Variants in KIAA1217 observed in about 807,000 individuals in gnomAD.
KIAA1217 encodes sickle tail protein homolog.
A neutral mutation model predicts 163.9 loss-of-function variants in KIAA1217; 88 were observed. The observed-to-expected ratio is 0.54, with a 90% confidence interval of 0.45 to 0.64. KIAA1217 has a LOEUF of 0.64. KIAA1217 is among the 30% of genes least tolerant of loss of function. The pLI is 0.00. For missense variants in KIAA1217, 2,372 were observed against 2,475.0 expected (o/e 0.96, Z 0.88); for synonymous variants, 903 against 923.1 (o/e 0.98, Z 0.39).
intron 2 of KIAA1217, among the ~76,000 whole-genome samples, chr10:24,153,958 ATTT>A (rs753825154): frequency 2.2e-5 from 3 of 135,324 alleles, no homozygotes; most frequent in Admixed American, 7.4e-5. Context: ...TACAAAAAAT[ATTT>A]TTTTTTTTTT....
intron 2 of KIAA1217, among the ~76,000 whole-genome samples, chr10:24,378,718 G>A (rs545224790): frequency 6.6e-6 from 1 of 152,038 alleles, no homozygotes; most frequent in African/African-American, 2.4e-5. Context: ...TGAACTAAAT[G>A]ATGTCTCAGC....
intron 3 of KIAA1217, among the ~76,000 whole-genome samples, chr10:24,417,665 C>A (rs561533169): frequency 6.6e-6 from 1 of 151,886 alleles, no homozygotes; most frequent in Admixed American, 6.6e-5. Flanking sequence ...GTGAAGTCTA[C>A]GAATGAGAGT....
chr10:24,466,099 A>G (rs2062919980), intron 5 of KIAA1217, among the ~76,000 whole-genome samples: 1 of 152,180 alleles, frequency 6.6e-6, no homozygotes, highest in African/African-American at 2.4e-5. Flanking sequence ...AACCAGGAGA[A>G]GAGGCTTACG....
chr10:24,472,868 G>C (rs1179343770), intron 5 of KIAA1217, among the ~76,000 whole-genome samples: 1 of 152,058 alleles, frequency 6.6e-6, no homozygotes. Context: ...ACCTTTTCCA[G>C]CTTCTAGCAG....
chr10:24,054,377 G>A (rs565611504), intron 2 of KIAA1217, among the ~76,000 whole-genome samples: 23 of 152,266 alleles, frequency 1.5e-4, no homozygotes, highest in African/African-American at 5.1e-4. Flanking sequence ...GGGATTGGAT[G>A]AACACCTAGG....
At chr10:23,962,155 C>T (rs891564539) in intron 1 of KIAA1217, among the ~76,000 whole-genome samples, 1 of 152,214 alleles carries the variant, frequency 6.6e-6, no homozygotes, top group Admixed American at 6.5e-5. Context: ...AATGGAATTA[C>T]TAGGCATTAT....
chr10:24,275,624 T>C lies in KIAA1217; in HGVS notation c.354+55715T>C, dbSNP rs925658915. ...CTAGTAATGAGGACTGACTGTATAA[T>C]GCTTTAGTAGTCTCAAGTATGTTTT... On this transcript the variant is annotated intron_variant, in intron 2 of 20. Transcript: ENST00000376454. The C allele has an allele frequency of 1.7e-5, 8 of 467,772 alleles. No homozygotes were observed. In the East Asian group the frequency reaches 3.5e-4, roughly 20 times the overall value. The allele number at this position is 467,772 out of a possible 1,614,324, so 29.0% of individuals were successfully genotyped here.
At chr10:23,799,235 A>G (rs1836355581) in intron 1 of KIAA1217, among the ~76,000 whole-genome samples, 1 of 152,172 alleles carries the variant, frequency 6.6e-6, no homozygotes, top group African/African-American at 2.4e-5. Flanking sequence ...CTCTCTCCAA[A>G]GAAGGTCACA....
At position 24,136,133 on chromosome 10, in the gene KIAA1217, G is replaced by T. The variant is rs191045079; in HGVS notation, c.-170-83493G>T. Among the ~76,000 whole-genome samples, 182 of 152,274 alleles carry T rather than the reference G, an allele frequency of 1.2e-3. 1 individual carries two copies. The highest frequency in any genetic ancestry group is 9.6e-4 in the Non-Finnish European group (65 of 68,022). On this transcript the variant is annotated intron_variant, in intron 2 of 18. Transcript: ENST00000376462. The stretch of plus-strand genomic sequence containing the variant: ...TAAGGAGGAGATAAAAGGAAGCAAA[G>T]GAATTATTTTCAAAATAGCAATATG...
intron 1 of KIAA1217, among the ~76,000 whole-genome samples, chr10:23,996,934 G>T (rs1230694763): frequency 6.6e-6 from 1 of 152,062 alleles, no homozygotes; most frequent in Non-Finnish European, 1.5e-5. Flanking sequence ...ATTTACTCCT[G>T]AGCATCCCAG....
Position 23,818,014 on chromosome 10 carries a change from C to CAT in KIAA1217, c.-321+122788_-321+122789dup, listed in dbSNP as rs1166196227. Among the ~76,000 whole-genome samples, 917 of 107,386 alleles carry CAT rather than the reference C, an allele frequency of 8.5e-3. 38 individuals carry two copies. The highest frequency in any genetic ancestry group is 0.035 in the African/African-American group (874 of 24,732). 70.4% of individuals were successfully genotyped at this position (107,386 alleles called of 152,430 possible). A position where few individuals can be genotyped will look rare whatever the true frequency, so the allele number is the denominator to read the frequency against. On this transcript the variant is annotated intron_variant, in intron 1 of 18. Transcript: ENST00000376462. ...ATATATATATATATATATATACACA[C>CAT]ATATATATACACACATATATATACA...
chr10:24,529,311 T>A (rs1437503655), intron 14 of KIAA1217, among the ~76,000 whole-genome samples: 1 of 152,276 alleles, frequency 6.6e-6, no homozygotes, highest in Admixed American at 6.5e-5. Context: ...CCATATACTT[T>A]ACGGGCCAGA....
Position 24,495,199 on chromosome 10 carries a change from A to G in KIAA1217, c.1834+3A>G, listed in dbSNP as rs1430673236. 1 of 1,611,538 alleles carries G rather than the reference A, an allele frequency of 6.2e-7. No homozygotes were observed. The highest frequency in any genetic ancestry group is 1.3e-5 in the African/African-American group (1 of 74,782). On this transcript the variant is annotated splice_donor_region_variant and intron_variant, in intron 8 of 20. Transcript: ENST00000376454. The stretch of plus-strand genomic sequence containing the variant: ...CAGGAACCACACAGATAGTGCAGGT[A>G]AGTAAGTGTTTTTGGAGCTGTAGGA...
At chr10:24,294,324 A>G (rs2079465863) in intron 2 of KIAA1217, among the ~76,000 whole-genome samples, 1 of 150,984 alleles carries the variant, frequency 6.6e-6, no homozygotes, top group South Asian at 2.1e-4. Flanking sequence ...CTTTTCCCCT[A>G]CTAGCTTCTC....
chr10:24,445,160 G>A lies in KIAA1217; in HGVS notation c.846+6681G>A, dbSNP rs369317796. On this transcript the variant is annotated intron_variant, in intron 5 of 20. Transcript: ENST00000376454. ...CTGGCAAAGTGGGTATACTGACTTCGTTTTCACAGGTGATAAAACTGAAGC... is the reference window on the plus strand; with the variant it reads ...CTGGCAAAGTGGGTATACTGACTTCATTTTCACAGGTGATAAAACTGAAGC... Among the ~76,000 whole-genome samples, 18 of 152,128 alleles carry A rather than the reference G, an allele frequency of 1.2e-4. No homozygotes were observed. In the South Asian group the frequency reaches 2.9e-3, roughly 25 times the overall value.
At chr10:23,933,589 A>C (rs933692049) in intron 1 of KIAA1217, among the ~76,000 whole-genome samples, 1 of 152,202 alleles carries the variant, frequency 6.6e-6, no homozygotes, top group Non-Finnish European at 1.5e-5. Flanking sequence ...AGAAACTATC[A>C]TCCAAGTGAG....
intron 2 of KIAA1217, among the ~76,000 whole-genome samples, chr10:24,179,603 T>G (rs1026404410): frequency 3.3e-5 from 5 of 152,156 alleles, no homozygotes; most frequent in African/African-American, 1.2e-4. Flanking sequence ...TTCTTTTTTT[T>G]TCTGAGATGG....
chr10:24,515,103 G>T (rs1303047334), intron 10 of KIAA1217, among the ~76,000 whole-genome samples: 1 of 151,866 alleles, frequency 6.6e-6, no homozygotes, highest in Non-Finnish European at 1.5e-5. Flanking sequence ...GTCTTGCTCT[G>T]TTGCCCAGGC....
chr10:24,384,231 A>G (rs1245643171), intron 3 of KIAA1217, among the ~76,000 whole-genome samples: 1 of 152,202 alleles, frequency 6.6e-6, no homozygotes, highest in Non-Finnish European at 1.5e-5. Flanking sequence ...AAGTTCTCTC[A>G]TGAAGCCCTG....
Sources: allele counts gnomAD v4.1 joint callset (sites outside exome capture counted in the v4.1 genomes callset), GRCh38; gene constraint gnomAD v4.1.1; transcripts MANE v1.5; gene names NCBI Gene and HGNC (gene_info 2026-07-23, HGNC 2026-07-21).